Variants in PRKG2 observed in about 807,000 individuals in gnomAD.
PRKG2 encodes cGMP-dependent protein kinase 2.
Under a neutral mutation model 97.2 loss-of-function variants are expected in PRKG2, and 33 were observed. The observed-to-expected ratio is 0.34, with a 90% CI of 0.26 to 0.45. The LOEUF is 0.45. Among genes scored for constraint, PRKG2 ranks in the 20% least tolerant of loss-of-function variants. The pLI, the probability that PRKG2 is intolerant of heterozygous loss-of-function variation, is 1.00. For missense variants in PRKG2, 638 were observed against 900.0 expected (o/e 0.71, Z 3.73); for synonymous variants, 330 against 321.8 (o/e 1.03, Z -0.27).
At chr4:81,179,458 A>C (rs1352777066) in intron 2 of PRKG2, among the ~76,000 whole-genome samples, 1 of 152,198 alleles carries the variant, frequency 6.6e-6, no homozygotes, top group African/African-American at 2.4e-5. Flanking sequence ...ATGAAGGCAA[A>C]AAGAAGATAT....
chr4:81,092,358 T>A (rs1741629455), intron 18 of PRKG2, 28 bp downstream of exon 18: 34 of 1,442,976 alleles, frequency 2.4e-5, no homozygotes, highest in Non-Finnish European at 3.2e-5. Flanking sequence ...GGGAAAAAAA[T>A]AAAAAAGTAA....
chr4:81,105,978 T>C, intron 15 of PRKG2, 43 bp from the exon 16 acceptor site: 1 of 1,568,076 alleles, frequency 6.4e-7, no homozygotes, highest in Non-Finnish European at 8.7e-7. Flanking sequence ...AATAACAGGG[T>C]CTGAGATCAC....
chr4:81,179,134 CAAAA>C (rs575898558), intron 2 of PRKG2, among the ~76,000 whole-genome samples: 1 of 120,074 alleles, frequency 8.3e-6, no homozygotes, highest in African/African-American at 2.9e-5. Context: ...CAAAAACAAA[CAAAA>C]AAAAAAAGAA....
intron 9 of PRKG2, among the ~76,000 whole-genome samples, chr4:81,147,472 T>G (rs1166984679): frequency 6.6e-6 from 1 of 152,212 alleles, no homozygotes; most frequent in East Asian, 1.9e-4. Flanking sequence ...ATGTTTTTGC[T>G]TGAGGGTTTT....
upstream of PRKG2, among the ~76,000 whole-genome samples, chr4:81,216,036 A>T (rs1236988875): frequency 6.6e-6 from 1 of 152,064 alleles, no homozygotes; most frequent in Non-Finnish European, 1.5e-5. Context: ...AAATTCACGG[A>T]GGACAAGGGC....
chr4:81,187,457 G>A (rs540261953), intron 2 of PRKG2, among the ~76,000 whole-genome samples: 27 of 152,074 alleles, frequency 1.8e-4, no homozygotes, highest in African/African-American at 4.8e-4. Flanking sequence ...AATGAACTAC[G>A]AGCGTATCTC....
At chr4:81,137,621 T>C (rs1194790214) in intron 12 of PRKG2, 139 bp from the exon 13 acceptor site, 1 of 643,858 alleles carries the variant, frequency 1.6e-6, no homozygotes, top group Non-Finnish European at 2.7e-6. Flanking sequence ...ACACTGGGCT[T>C]CTCGCCAAAT....
intron 14 of PRKG2, among the ~76,000 whole-genome samples, chr4:81,110,834 T>G (rs1743856781): frequency 6.7e-6 from 1 of 150,258 alleles, no homozygotes. Context: ...CAGGGTCAGG[T>G]GTGTATCTAG....
Position 81,129,185 on chromosome 4 carries a change from G to T in PRKG2, c.1776+5970C>A, listed in dbSNP as rs1745909079. Among the ~76,000 whole-genome samples the T allele has an allele frequency of 4.0e-5, 6 of 151,794 alleles. No homozygotes were observed. The South Asian group carries it at 1.2e-3, about 32-fold the overall frequency. ...TTGCCCTGTTGTCTGAGAGACTTAG[G>T]ATTTCCGTTCTTTTGCATTTGCTGA... On this transcript the variant is annotated intron_variant, in intron 14 of 18. Transcript: ENST00000264399.
intron 6 of PRKG2, among the ~76,000 whole-genome samples, chr4:81,162,733 A>G (rs1749675592): frequency 6.6e-6 from 1 of 152,150 alleles, no homozygotes; most frequent in South Asian, 2.1e-4. Context: ...TATGACCCTT[A>G]TAGGATGATC....
intron 6 of PRKG2, among the ~76,000 whole-genome samples, 189 bp from the exon 7 acceptor site, chr4:81,153,910 G>T (rs2028642): frequency 0.12 from 17,709 of 152,028 alleles, 1,651 homozygotes; most frequent in East Asian, 0.46. Context: ...GTGGGTGCGC[G>T]CACCGTGCGC....
intron 2 of PRKG2, among the ~76,000 whole-genome samples, chr4:81,200,147 T>C (rs866163922): frequency 3.5e-4 from 53 of 152,170 alleles, no homozygotes; most frequent in African/African-American, 1.3e-3. Flanking sequence ...TTAATCTCAG[T>C]AAAAGGTCTG....
At chr4:81,126,265 T>C (rs1745542314) in intron 14 of PRKG2, among the ~76,000 whole-genome samples, 1 of 152,254 alleles carries the variant, frequency 6.6e-6, no homozygotes, top group Non-Finnish European at 1.5e-5. Flanking sequence ...ATTTTCTTTA[T>C]CTAGTCTATC....
chr4:81,117,824 C>A (rs2109995911), intron 14 of PRKG2, among the ~76,000 whole-genome samples: 1 of 151,020 alleles, frequency 6.6e-6, no homozygotes, highest in South Asian at 2.1e-4. Flanking sequence ...AATCAAGGAA[C>A]CTATATTGAT....
chr4:81,146,270 C>T (rs1339483127), intron 9 of PRKG2, among the ~76,000 whole-genome samples: 1 of 152,160 alleles, frequency 6.6e-6, no homozygotes, highest in Non-Finnish European at 1.5e-5. Flanking sequence ...AAATTCTCCA[C>T]TAACTAATCC....
At chr4:81,110,068 G>T (rs1743745387) in intron 15 of PRKG2, among the ~76,000 whole-genome samples, 1 of 152,146 alleles carries the variant, frequency 6.6e-6, no homozygotes, top group Non-Finnish European at 1.5e-5. Context: ...GGATTTAACT[G>T]AACTCAGATT....
chr4:81,207,008 G>T (rs1753716067), intron 1 of PRKG2, among the ~76,000 whole-genome samples: 1 of 152,162 alleles, frequency 6.6e-6, no homozygotes, highest in African/African-American at 2.4e-5. Context: ...AGATGTGGCA[G>T]GTTTAACCTT....
In PRKG2 at chr4:81,195,437, A is replaced by G. The variant is rs1347680993; in HGVS notation, c.461+9150T>C. On this transcript the variant is annotated intron_variant, in intron 2 of 18. Coordinates refer to ENST00000264399, the MANE Select transcript of PRKG2 (RefSeq NM_006259.3). ...GTATCATTTTAACCATTTATAAGTG[A>G]ACAGTTTAGTAGCAATAAGTATATT... 5.3e-5 allele frequency among the ~76,000 whole-genome samples: 8 copies of G among 152,110 alleles called. No individual in the cohort carries two copies. The East Asian group carries it at 1.5e-3, about 29-fold the overall frequency.
intron 14 of PRKG2, among the ~76,000 whole-genome samples, chr4:81,114,367 T>C (rs1274671330): frequency 6.6e-6 from 1 of 151,790 alleles, no homozygotes; most frequent in African/African-American, 2.4e-5. Flanking sequence ...TTAACGTCAG[T>C]TTTAGTAAGA....
Sources: allele counts gnomAD v4.1 joint callset (sites outside exome capture counted in the v4.1 genomes callset), GRCh38; gene constraint gnomAD v4.1.1; transcripts MANE v1.5; gene names NCBI Gene and HGNC (gene_info 2026-07-23, HGNC 2026-07-21).